Variants in SNX25 observed in about 807,000 individuals in gnomAD.
SNX25 encodes sorting nexin 25.
In SNX25, 62 loss-of-function variants were observed where a neutral mutation model predicts 113.7. That is an observed-to-expected ratio of 0.55 (90% CI 0.44 to 0.67). The LOEUF is 0.67. SNX25 is among the 30% of genes least tolerant of loss of function. The pLI is 0.00. For synonymous variants in SNX25, 421 were observed against 436.2 expected (o/e 0.97, Z 0.43); for missense variants, 1,014 against 1,161.0 (o/e 0.87, Z 1.84).
intron 10 of SNX25, among the ~76,000 whole-genome samples, chr4:185,337,282 A>G (rs903666165): frequency 1.3e-5 from 2 of 152,006 alleles, no homozygotes; most frequent in Admixed American, 1.3e-4. Flanking sequence ...CCATCATTCT[A>G]TTTTTTATCT....
chr4:185,320,637 T>C (rs1048714549), intron 7 of SNX25, 96 bp from the exon 8 acceptor site: 86 of 910,990 alleles, frequency 9.4e-5, no homozygotes, highest in Admixed American at 9.8e-5. Flanking sequence ...AAAATGCATT[T>C]TTACCCTAAA....
chr4:185,298,572 A>G (rs1753184167), intron 6 of SNX25, among the ~76,000 whole-genome samples: 1 of 152,092 alleles, frequency 6.6e-6, no homozygotes, highest in Non-Finnish European at 1.5e-5. Flanking sequence ...GACATGATCT[A>G]CAAGGTCTTG....
intron 16 of SNX25, 35 bp from the exon 17 acceptor site, chr4:185,361,889 A>T: frequency 1.2e-6 from 2 of 1,607,616 alleles, no homozygotes; most frequent in Non-Finnish European, 1.7e-6. Flanking sequence ...ACAATTTTTA[A>T]AAACCTCATC....
chr4:185,225,118 C>CTTT (rs775220291), intron 1 of SNX25, among the ~76,000 whole-genome samples: 5 of 132,096 alleles, frequency 3.8e-5, no homozygotes, highest in African/African-American at 8.2e-5. Flanking sequence ...TCTATGTCTT[C>CTTT]TTTTTTTTTT....
In SNX25 at chr4:185,361,982, A is replaced by C; in HGVS notation, c.2710A>C (p.Asn904His). 6.2e-7 allele frequency: 1 copy of C among 1,614,152 alleles called. No individual in the cohort carries two copies. The highest frequency in any genetic ancestry group is 8.5e-7 in the Non-Finnish European group (1 of 1,180,028). Residue 904 changes from asparagine to histidine, a missense_variant, in exon 17 of 19, where the codon AAT (asparagine) becomes CAT (histidine). Asn to His is a moderately conservative substitution (Grantham distance 68, BLOSUM62 1). Transcript: ENST00000652585. ...TGAGCAAATGTTGGTTTACTACATC[A>C]ATATTTTCCGGGATGCTTTTTGGCC... is the stretch of plus-strand genomic sequence containing the variant. ...FSEQMLVYYI[N>H]IFRDAFWPNG...
At chr4:185,376,848 TTGTC>T in the SNX25 span, 2 of 1,178,186 alleles carry the variant, frequency 1.7e-6, no homozygotes, top group Non-Finnish European at 2.5e-6. Flanking sequence ...CATGAAATTT[TTGTC>T]TGAGGATCTA....
chr4:185,240,595 G>C (rs1445850503), intron 1 of SNX25, among the ~76,000 whole-genome samples: 1 of 147,876 alleles, frequency 6.8e-6, no homozygotes, highest in Non-Finnish European at 1.5e-5. Context: ...CAGTAGGGGC[G>C]GCCGGGCAGA....
chr4:185,359,091 G>A (rs1482275275), intron 16 of SNX25, among the ~76,000 whole-genome samples: 2 of 152,174 alleles, frequency 1.3e-5, no homozygotes, highest in Admixed American at 1.3e-4. Flanking sequence ...AGTGGCTCAT[G>A]CCTATAATCC....
At chr4:185,374,534 G>A (rs916630023), downstream of SNX25, 9 of 1,524,348 alleles carry the variant, frequency 5.9e-6, no homozygotes, top group African/African-American at 8.3e-5. Flanking sequence ...CTCCCAATAA[G>A]GCTGTGAAGT....
downstream of SNX25, chr4:185,373,171 G>C (rs2095421762): frequency 3.5e-6 from 4 of 1,149,532 alleles, no homozygotes; most frequent in Non-Finnish European, 5.0e-6. Context: ...GTGTTTCCTA[G>C]ATAGCACTAT....
At chr4:185,236,399 A>G (rs1248294730) in intron 1 of SNX25, among the ~76,000 whole-genome samples, 1 of 152,186 alleles carries the variant, frequency 6.6e-6, no homozygotes, top group Non-Finnish European at 1.5e-5. Context: ...GAAGCAAAAG[A>G]AAATTCTTGA....
chr4:185,316,870 A>G (rs1463239988), intron 7 of SNX25, among the ~76,000 whole-genome samples: 2 of 152,222 alleles, frequency 1.3e-5, no homozygotes, highest in African/African-American at 2.4e-5. Flanking sequence ...AAAATGCTTC[A>G]CTGGTAGAGT....
At chr4:185,289,854 G>T (rs1751899092) in intron 6 of SNX25, among the ~76,000 whole-genome samples, 1 of 152,092 alleles carries the variant, frequency 6.6e-6, no homozygotes, top group Admixed American at 6.5e-5. Flanking sequence ...CCATTAGTTT[G>T]CTAGGGCTAC....
downstream of SNX25, chr4:185,374,136 T>G (rs769148360): frequency 9.3e-6 from 15 of 1,612,968 alleles, no homozygotes; most frequent in Non-Finnish European, 1.2e-5. Context: ...GAACGTTACC[T>G]TTTCTAACTC....
intron 2 of SNX25, among the ~76,000 whole-genome samples, chr4:185,254,412 G>A (rs3112854): frequency 0.11 from 16,771 of 152,136 alleles, 1,076 homozygotes; most frequent in African/African-American, 0.17. Flanking sequence ...AGACCCAGGC[G>A]TGGACTTTCA....
intron 1 of SNX25, among the ~76,000 whole-genome samples, chr4:185,212,489 G>GTGTGTGTGTTTT (rs1560889937): frequency 2.5e-4 from 11 of 43,354 alleles, no homozygotes; most frequent in East Asian, 3.0e-3. Flanking sequence ...GTGTGTGTGT[G>GTGTGTGTGTTTT]TGTTTTTTTT....
chr4:185,331,589 T>C (rs1166696789), intron 9 of SNX25, among the ~76,000 whole-genome samples: 1 of 152,156 alleles, frequency 6.6e-6, no homozygotes, highest in African/African-American at 2.4e-5. Flanking sequence ...GAGACCAGCC[T>C]GGCCAACATG....
At chr4:185,227,471 A>G (rs1741195336) in intron 1 of SNX25, among the ~76,000 whole-genome samples, 1 of 152,136 alleles carries the variant, frequency 6.6e-6, no homozygotes, top group South Asian at 2.1e-4. Flanking sequence ...GTGGGTGTGC[A>G]TTCACCCGGG....
chr4:185,252,129 A>C (rs748298751), intron 2 of SNX25, among the ~76,000 whole-genome samples: 3 of 152,200 alleles, frequency 2.0e-5, no homozygotes, highest in Non-Finnish European at 4.4e-5. Flanking sequence ...AGTAAAATTC[A>C]TGCATTTGGC....
Sources: gnomAD v4.1 joint callset for allele counts (sites outside exome capture counted in the v4.1 genomes callset) on GRCh38, gnomAD v4.1.1 for gene constraint, MANE v1.5 for transcripts, NCBI Gene and HGNC (gene_info 2026-07-23, HGNC 2026-07-21) for gene names.